Variants in AUTS2 observed in about 807,000 individuals in gnomAD.
AUTS2 encodes autism susceptibility gene 2 protein.
AUTS2 carries 17 observed loss-of-function variants against 112.4 expected under a neutral mutation model. The observed-to-expected ratio is 0.15, with a 90% CI of 0.10 to 0.23. The LOEUF (loss-of-function observed/expected upper bound fraction) is 0.23, where lower values mean the gene tolerates loss of function less well. AUTS2 is among the 10% of genes least tolerant of loss of function. The probability of loss-of-function intolerance (pLI) is 1.00; values close to 1 mark genes in which losing one functional copy is unlikely to be tolerated. For synonymous variants in AUTS2, 751 were observed against 702.7 expected, an observed-to-expected ratio of 1.07 and a Z score of -1.09; for missense variants, 1,510 against 1,701.6, an observed-to-expected ratio of 0.89 and a Z score of 1.98.
At chr7:70,685,572 AT>A (rs1489615447) in intron 5 of AUTS2, among the ~76,000 whole-genome samples, 13 of 152,048 alleles carry the variant, frequency 8.5e-5, no homozygotes, top group African/African-American at 3.1e-4. Flanking sequence ...CATATGTGGT[AT>A]GACTTGTTGA....
chr7:70,075,854 G>A (rs1184764908), intron 2 of AUTS2, among the ~76,000 whole-genome samples: 6 of 152,162 alleles, frequency 3.9e-5, no homozygotes, highest in African/African-American at 1.2e-4. Flanking sequence ...AAAATGTTAT[G>A]CCATCTATAT....
intron 4 of AUTS2, among the ~76,000 whole-genome samples, chr7:70,323,342 C>T (rs573469006): frequency 6.6e-6 from 1 of 152,292 alleles, no homozygotes; most frequent in African/African-American, 2.4e-5. Context: ...TATTGGGTGT[C>T]TGTTCTGTGC....
chr7:69,854,464 A>G (rs985226950), intron 1 of AUTS2, among the ~76,000 whole-genome samples: 9 of 152,084 alleles, frequency 5.9e-5, no homozygotes, highest in Non-Finnish European at 1.2e-4. Context: ...ATTCTTAAGC[A>G]TTTTATTATT....
intron 2 of AUTS2, among the ~76,000 whole-genome samples, chr7:69,988,573 A>G (rs989965348): frequency 7.8e-6 from 1 of 128,460 alleles, no homozygotes; most frequent in African/African-American, 3.4e-5. Context: ...TGTCTGTTTT[A>G]TGCATTGCTT....
intron 5 of AUTS2, among the ~76,000 whole-genome samples, chr7:70,691,658 G>A (rs1368955819): frequency 6.6e-6 from 1 of 152,116 alleles, no homozygotes; most frequent in East Asian, 1.9e-4. Context: ...CTGGAGAGAG[G>A]ATGAGAAATG....
intron 4 of AUTS2, among the ~76,000 whole-genome samples, chr7:70,254,677 T>C (rs1431374594): frequency 6.6e-6 from 1 of 152,218 alleles, no homozygotes; most frequent in Non-Finnish European, 1.5e-5. Context: ...TTTTGACTTG[T>C]TATGAGCTCC....
intron 5 of AUTS2, among the ~76,000 whole-genome samples, chr7:70,511,590 T>TTTA (rs1585236643): frequency 8.1e-6 from 1 of 123,340 alleles, no homozygotes; most frequent in African/African-American, 3.3e-5. Context: ...TTTTTTTTTT[T>TTTA]ATTGAGACAG....
At position 70,764,742 on chromosome 7, in the gene AUTS2, G is replaced by A. The variant is rs746581320; in HGVS notation, c.1215-10G>A. ...ATTTTTTTCTTTTCTTTTTTTTCTT[G>A]TTCCGATAGCAGCAGCAGAAGCAGC... On this transcript the variant is annotated splice_polypyrimidine_tract_variant and intron_variant, in intron 7 of 18. Coordinates refer to ENST00000342771, the MANE Select transcript of AUTS2 (RefSeq NM_015570.4). The A allele has an allele frequency of 7.0e-6, 5 of 713,012 alleles. No homozygotes were observed. In the Admixed American group the frequency reaches 8.5e-5, roughly 12 times the overall value. The allele number at this position is 713,012 out of a possible 1,614,324, so 44.2% of individuals were successfully genotyped here.
chr7:69,688,303 C>T (rs1797151101), intron 1 of AUTS2, among the ~76,000 whole-genome samples: 1 of 152,132 alleles, frequency 6.6e-6, no homozygotes, highest in Non-Finnish European at 1.5e-5. Flanking sequence ...CCCTGGAGGC[C>T]TGTGTGTTGG....
At chr7:70,137,719 A>G (rs980283973) in intron 4 of AUTS2, among the ~76,000 whole-genome samples, 1 of 152,286 alleles carries the variant, frequency 6.6e-6, no homozygotes, top group Admixed American at 6.5e-5. Context: ...AGATATTTTA[A>G]TGAACACAGA....
Position 70,730,235 on chromosome 7 carries a change from T to TGTTG in AUTS2, c.742+31618_742+31619insGGTT, listed in dbSNP as rs1479284235. Among the ~76,000 whole-genome samples the TGTTG allele has an allele frequency of 1.8e-4, 27 of 151,732 alleles. No individual in the cohort carries two copies. The East Asian group carries it at 5.1e-3, about 29-fold the overall frequency. On this transcript the variant is annotated intron_variant, in intron 6 of 18. Coordinates refer to ENST00000342771, the MANE Select transcript of AUTS2 (RefSeq NM_015570.4). ...ACAACCAGTTTTTTTTTTTGTTTTT[T>TGTTG]GTTTGTTTGTTTGTTGGTTTTTTAG... is the stretch of plus-strand genomic sequence containing the variant.
chr7:70,687,534 C>T (rs1808534015), intron 5 of AUTS2, among the ~76,000 whole-genome samples: 1 of 152,106 alleles, frequency 6.6e-6, no homozygotes, highest in South Asian at 2.1e-4. Context: ...AAGTAAAATT[C>T]CTTTCCTTGA....
chr7:70,739,955 C>T (rs1232033508), intron 6 of AUTS2, among the ~76,000 whole-genome samples: 2 of 152,174 alleles, frequency 1.3e-5, no homozygotes, highest in South Asian at 4.1e-4. Flanking sequence ...ATTCCCGGCC[C>T]TCCTGGCTCC....
intron 6 of AUTS2, among the ~76,000 whole-genome samples, chr7:70,731,399 A>G (rs1173251972): frequency 6.9e-6 from 1 of 144,632 alleles, no homozygotes; most frequent in Non-Finnish European, 1.5e-5. Flanking sequence ...CACAAAGCTC[A>G]TATATCCCCT....
chr7:69,709,226 A>T (rs1798199828), intron 1 of AUTS2, among the ~76,000 whole-genome samples: 1 of 152,206 alleles, frequency 6.6e-6, no homozygotes. Flanking sequence ...TGGTGGCATT[A>T]ATCTTTGCGA....
At chr7:70,469,339 G>A (rs1342997510) in intron 5 of AUTS2, among the ~76,000 whole-genome samples, 2 of 152,170 alleles carry the variant, frequency 1.3e-5, no homozygotes, top group African/African-American at 2.4e-5. Flanking sequence ...CAGTGATCAG[G>A]GGCAGCTTCT....
intron 1 of AUTS2, among the ~76,000 whole-genome samples, chr7:69,698,835 C>T (rs1797674904): frequency 6.6e-6 from 1 of 152,016 alleles, no homozygotes; most frequent in African/African-American, 2.4e-5. Flanking sequence ...TCTTGACTAT[C>T]TGCACTTGGG....
intron 1 of AUTS2, among the ~76,000 whole-genome samples, chr7:69,849,079 A>G (rs958469231): frequency 7.2e-5 from 11 of 152,086 alleles, no homozygotes; most frequent in African/African-American, 4.8e-5. Context: ...CTACTGGGGA[A>G]GCTGAGGCAA....
chr7:70,783,186 T>C (rs1259809001), intron 15 of AUTS2: 1 of 152,220 alleles, frequency 6.6e-6, no homozygotes, highest in Non-Finnish European at 1.5e-5. Flanking sequence ...ACAGACAGTA[T>C]GTGGCCAAAA....
Sources: allele counts gnomAD v4.1 joint callset (sites outside exome capture counted in the v4.1 genomes callset), GRCh38; gene constraint gnomAD v4.1.1; transcripts MANE v1.5; gene names NCBI Gene and HGNC (gene_info 2026-07-23, HGNC 2026-07-21).